Variants in IRAG1 observed in about 807,000 individuals in gnomAD.
IRAG1 encodes IP3R-associated cGMP kinase substrate.
A neutral mutation model predicts 106.2 loss-of-function variants in IRAG1; 62 were observed. That is an observed-to-expected ratio of 0.58 (90% CI 0.48 to 0.72). The LOEUF is 0.72. Ranked by LOEUF, IRAG1 falls within the 30% of genes least tolerant of loss-of-function variation. IRAG1 has a pLI of 0.00. For missense variants in IRAG1, 1,064 were observed against 1,140.7 expected, an observed-to-expected ratio of 0.93 and a Z score of 0.97; for synonymous variants, 462 against 443.9, an observed-to-expected ratio of 1.04 and a Z score of -0.51.
chr11:10,626,581 G>C lies in IRAG1; in HGVS notation c.753C>G (p.Asn251Lys). 1 of 1,596,298 alleles carries C rather than the reference G, an allele frequency of 6.3e-7. No homozygotes were observed. Among genetic ancestry groups the C allele is most frequent in the South Asian group, 1.1e-5 (1 of 89,020 alleles). The change falls in exon 9 of 21, where the codon AAC becomes AAG. Residue 251 changes from asparagine to lysine, a missense_variant and splice_region_variant. Physicochemically the swap from Asn to Lys is moderately conservative, Grantham distance 94. Coordinates refer to ENST00000423302, the MANE Select transcript of IRAG1 (RefSeq NM_130385.4). ...DVSSPHPGEP[N>K]VPKGLADRKQ... ...TCCTGTCAGCTAGCCCTTTGGGGAC[G>C]TTCTGAAAAAGACAAGGTAGAGCTG...
chr11:10,601,082 T>C, intron 14 of IRAG1, 23 bp from the exon 15 acceptor site: 1 of 1,612,754 alleles, frequency 6.2e-7, no homozygotes. Context: ...AGCGCATGAG[T>C]GCATGAGGCC....
intron 1 of IRAG1, among the ~76,000 whole-genome samples, chr11:10,686,207 C>T (rs1320431023): frequency 6.6e-6 from 1 of 152,146 alleles, no homozygotes; most frequent in Admixed American, 6.5e-5. Context: ...TTAGATCTAG[C>T]AATCCATTTC....
chr11:10,648,593 T>A (rs1589913068), intron 2 of IRAG1, among the ~76,000 whole-genome samples: 1 of 152,218 alleles, frequency 6.6e-6, no homozygotes, highest in East Asian at 1.9e-4. Flanking sequence ...CCCAGGCTTG[T>A]GTTCTGACAG....
intron 10 of IRAG1, among the ~76,000 whole-genome samples, chr11:10,622,468 T>C (rs1855906888): frequency 6.6e-6 from 1 of 152,184 alleles, no homozygotes. Context: ...TATTTTCATG[T>C]ACCTATCTCA....
rs753621188 is a variant in IRAG1, at chr11:10,604,548, G to A, written c.1603-3C>T. 6.2e-7 allele frequency: 1 copy of A among 1,614,036 alleles called. No homozygotes were observed. Among genetic ancestry groups the A allele is most frequent in the African/African-American group, 1.3e-5 (1 of 75,046 alleles). On this transcript the variant is annotated splice_polypyrimidine_tract_variant and splice_region_variant and intron_variant, in intron 12 of 20. Coordinates refer to ENST00000423302, the MANE Select transcript of IRAG1 (RefSeq NM_130385.4). ...AAGGACAGTTGCACAAACACGTTCT[G>A]TTGGGAACAAGGGTGTGAGAGAGGT...
At chr11:10,680,349 GA>G (rs1861077966) in intron 1 of IRAG1, among the ~76,000 whole-genome samples, 1 of 71,290 alleles carries the variant, frequency 1.4e-5, no homozygotes, top group Admixed American at 1.7e-4. Flanking sequence ...AGGAAGGAAA[GA>G]AAGAAAGAAA....
chr11:10,583,570 G>A (rs1170869023), intron 18 of IRAG1, among the ~76,000 whole-genome samples: 1 of 152,166 alleles, frequency 6.6e-6, no homozygotes, highest in Non-Finnish European at 1.5e-5. Context: ...GTTGGAAAGG[G>A]GAAGCCACAG....
chr11:10,591,467 T>A (rs904060209), intron 18 of IRAG1, 81 bp downstream of exon 18: 6 of 1,268,960 alleles, frequency 4.7e-6, no homozygotes, highest in African/African-American at 3.0e-5. Flanking sequence ...ATTTTGGGGA[T>A]AAAAATGGGA....
intron 15 of IRAG1, 180 bp from the exon 16 acceptor site, chr11:10,594,375 TG>T: frequency 1.7e-6 from 1 of 576,324 alleles, no homozygotes. Flanking sequence ...GGCTGCAGAG[TG>T]GGGGCTTTTT....
chr11:10,659,480 G>A lies in IRAG1; in HGVS notation c.68-7298C>T, dbSNP rs949734550. 1.3e-5 allele frequency among the ~76,000 whole-genome samples: 2 copies of A among 152,106 alleles called. No homozygotes were observed. The highest frequency in any genetic ancestry group is 2.9e-5 in the Non-Finnish European group (2 of 68,020). ...TGTCCCCTAAACAAAGTCACGTTTC[G>A]GGAGGCTGGCCCTGAGAACCCCGAC... On this transcript the variant is annotated intron_variant, in intron 1 of 20. Transcript: ENST00000423302. This position sits in a 1 kb window ranked among gnomAD's most constrained non-coding sequence, Gnocchi z 4.1.
chr11:10,635,228 G>C (rs1373629451), intron 2 of IRAG1, among the ~76,000 whole-genome samples: 1 of 152,174 alleles, frequency 6.6e-6, no homozygotes, highest in African/African-American at 2.4e-5. Context: ...TTTTCTCTTA[G>C]GTCCTTCCAT....
rs1591524605 is a variant in IRAG1, at chr11:10,576,583, T to A, written c.2496-8A>T. On this transcript the variant is annotated splice_region_variant and splice_polypyrimidine_tract_variant and intron_variant, in intron 20 of 20. Transcript: ENST00000423302. ...ACCAATTCTTCAAGTTTGCTGTCAA[T>A]GAAAAAAAATATGCAGAGGCTTTAG... The A allele has an allele frequency of 6.2e-7, 1 of 1,613,434 alleles. No homozygotes were observed. Among genetic ancestry groups the A allele is most frequent in the South Asian group, 1.1e-5 (1 of 91,070 alleles).
chr11:10,600,278 A>G (rs1383896703), intron 15 of IRAG1, among the ~76,000 whole-genome samples: 1 of 152,202 alleles, frequency 6.6e-6, no homozygotes, highest in Non-Finnish European at 1.5e-5. Context: ...TATTTCTTTG[A>G]AACTTCTGTC....
chr11:10,604,478 T>C lies in IRAG1; in HGVS notation c.1670A>G (p.Gln557Arg). The C allele has an allele frequency of 6.2e-7, 1 of 1,614,056 alleles. No individual in the cohort carries two copies. The change falls in exon 13 of 21, where the codon CAG becomes CGG. Residue 557 changes from glutamine (Q) to arginine (R), a missense_variant. Gln to Arg is a conservative substitution (Grantham distance 43, BLOSUM62 1). Coordinates refer to ENST00000423302, the MANE Select transcript of IRAG1 (RefSeq NM_130385.4). ...TGTCAGGTTGCGTTCCCTTTCAGCCTGGTTAATTCTAGATTCCAGAGTGTA... is the reference window on the plus strand; with the variant it reads ...TGTCAGGTTGCGTTCCCTTTCAGCCCGGTTAATTCTAGATTCCAGAGTGTA... ...DSYTLESRIN[Q>R]AERERNLTEE...
chr11:10,664,261 G>T (rs898241958), intron 1 of IRAG1, among the ~76,000 whole-genome samples: 2 of 152,130 alleles, frequency 1.3e-5, no homozygotes, highest in Non-Finnish European at 2.9e-5. Flanking sequence ...GTTCTTCCCT[G>T]CTGGGATGGA....
intron 2 of IRAG1, among the ~76,000 whole-genome samples, chr11:10,641,516 A>G (rs984795464): frequency 2.6e-5 from 4 of 152,150 alleles, no homozygotes; most frequent in African/African-American, 7.2e-5. Context: ...TCTCAAACCA[A>G]TCAATGCCCT....
chr11:10,604,941 C>T (rs966346247), intron 12 of IRAG1, among the ~76,000 whole-genome samples: 18 of 152,088 alleles, frequency 1.2e-4, no homozygotes, highest in Non-Finnish European at 1.6e-4. Context: ...GGAGATTTTG[C>T]AGGAAAATAC....
chr11:10,594,527 C>CT (rs1853054744), intron 15 of IRAG1, among the ~76,000 whole-genome samples: 1 of 152,122 alleles, frequency 6.6e-6, no homozygotes, highest in Admixed American at 6.5e-5. Flanking sequence ...AACACGAAGA[C>CT]TTATTGGGTT....
chr11:10,592,098 T>C (rs1852743550), intron 17 of IRAG1, among the ~76,000 whole-genome samples: 1 of 151,722 alleles, frequency 6.6e-6, no homozygotes, highest in African/African-American at 2.4e-5. Context: ...TTACAATACG[T>C]TCCCCAGGAT....
Sources: allele counts gnomAD v4.1 joint callset (sites outside exome capture counted in the v4.1 genomes callset), GRCh38; gene constraint gnomAD v4.1.1; non-coding constraint Gnocchi (gnomAD v3.1); transcripts MANE v1.5; gene names NCBI Gene and HGNC (gene_info 2026-07-23, HGNC 2026-07-21).